Variants in LRBA observed in about 807,000 individuals in gnomAD.
LRBA encodes lipopolysaccharide-responsive and beige-like anchor protein.
A neutral mutation model predicts 330.0 loss-of-function variants in LRBA; 176 were observed. The observed-to-expected ratio is 0.53, with a 90% CI of 0.47 to 0.60. The LOEUF (loss-of-function observed/expected upper bound fraction) is 0.60. Among genes scored for constraint, LRBA ranks in the 20% least tolerant of loss-of-function variants. The pLI, the probability that LRBA is intolerant of heterozygous loss-of-function variation, is 0.00. For synonymous variants in LRBA, 1,230 were observed against 1,193.0 expected, an observed-to-expected ratio of 1.03 and a Z score of -0.64; for missense variants, 3,259 against 3,444.8, an observed-to-expected ratio of 0.95 and a Z score of 1.35.
chr4:150,632,707 A>G (rs1018377883), intron 37 of LRBA, among the ~76,000 whole-genome samples: 3 of 152,088 alleles, frequency 2.0e-5, no homozygotes, highest in Non-Finnish European at 4.4e-5. Flanking sequence ...CCCACCAACC[A>G]TGTTTCACCC....
chr4:150,341,561 C>T (rs2127013675), intron 48 of LRBA, among the ~76,000 whole-genome samples: 1 of 152,218 alleles, frequency 6.6e-6, no homozygotes, highest in East Asian at 1.9e-4. Flanking sequence ...ATACTCTCCG[C>T]TTTGAATGTC....
At chr4:150,456,329 C>T (rs541173549) in intron 44 of LRBA, among the ~76,000 whole-genome samples, 22 of 152,258 alleles carry the variant, frequency 1.4e-4, no homozygotes, top group African/African-American at 4.3e-4. Flanking sequence ...TGCTCACCAG[C>T]ATTTGGTATT....
intron 47 of LRBA, among the ~76,000 whole-genome samples, chr4:150,398,909 TG>T: frequency 6.6e-6 from 1 of 152,190 alleles, no homozygotes; most frequent in African/African-American, 2.4e-5. Context: ...TTTACAGGTG[TG>T]AGCCACCATG....
chr4:150,673,191 A>T (rs1782222172), intron 37 of LRBA, among the ~76,000 whole-genome samples: 1 of 152,238 alleles, frequency 6.6e-6, no homozygotes, highest in Non-Finnish European at 1.5e-5. Flanking sequence ...ATATCACTGT[A>T]TCAGATATTT....
intron 37 of LRBA, among the ~76,000 whole-genome samples, chr4:150,622,738 A>G (rs1360755457): frequency 7.6e-6 from 1 of 132,328 alleles, no homozygotes; most frequent in African/African-American, 3.3e-5. Context: ...TTGCTCTTTC[A>G]CCAGGCCGGA....
intron 47 of LRBA, among the ~76,000 whole-genome samples, chr4:150,410,094 A>T (rs531050055): frequency 2.1e-4 from 31 of 150,094 alleles, no homozygotes; most frequent in East Asian, 5.8e-4. Flanking sequence ...AATTCCAAAA[A>T]TTTTTTTTTT....
At chr4:150,373,123 TCGTGTG>T (rs1740654146) in intron 47 of LRBA, among the ~76,000 whole-genome samples, 1 of 91,544 alleles carries the variant, frequency 1.1e-5, no homozygotes, top group Non-Finnish European at 2.2e-5. Context: ...GACTACAATC[TCGTGTG>T]TGTGTGTGTG....
intron 38 of LRBA, among the ~76,000 whole-genome samples, chr4:150,594,068 C>T (rs2126481324): frequency 6.6e-6 from 1 of 152,156 alleles, no homozygotes; most frequent in East Asian, 1.9e-4. Flanking sequence ...TACACACACC[C>T]ACTTTAATTT....
intron 37 of LRBA, among the ~76,000 whole-genome samples, chr4:150,609,301 C>T (rs1774991397): frequency 6.6e-6 from 1 of 152,164 alleles, no homozygotes; most frequent in African/African-American, 2.4e-5. Flanking sequence ...AAATGGAAAC[C>T]TTCTATTCAG....
intron 37 of LRBA, among the ~76,000 whole-genome samples, chr4:150,601,598 G>C (rs1774118420): frequency 6.6e-6 from 1 of 152,128 alleles, no homozygotes; most frequent in South Asian, 2.1e-4. Context: ...AGGGAACTGA[G>C]AATTTGTTCA....
chr4:150,782,645 C>A (rs1738430406), intron 34 of LRBA, among the ~76,000 whole-genome samples: 2 of 152,120 alleles, frequency 1.3e-5, no homozygotes, highest in South Asian at 2.1e-4. Context: ...TTAGGGTGTA[C>A]CCACATAATC....
intron 37 of LRBA, among the ~76,000 whole-genome samples, chr4:150,629,331 A>G (rs1005365182): frequency 6.6e-6 from 1 of 152,238 alleles, no homozygotes; most frequent in Admixed American, 6.5e-5. Flanking sequence ...ACCAATTATA[A>G]AATAGCTCCT....
At chr4:150,791,965 G>T (rs1739991688) in intron 34 of LRBA, among the ~76,000 whole-genome samples, 1 of 133,238 alleles carries the variant, frequency 7.5e-6, no homozygotes, top group Non-Finnish European at 1.5e-5. Flanking sequence ...GGAGATGGAG[G>T]TTGCAGTGAG....
intron 14 of LRBA, 71 bp from the exon 15 acceptor site, chr4:150,897,889 C>A: frequency 2.0e-6 from 2 of 989,048 alleles, no homozygotes; most frequent in South Asian, 2.8e-5. Context: ...ATAAAATTCT[C>A]ATTCCCAACA....
At chr4:150,876,618 T>C (rs1471083033) in intron 17 of LRBA, among the ~76,000 whole-genome samples, 1 of 152,052 alleles carries the variant, frequency 6.6e-6, no homozygotes, top group East Asian at 1.9e-4. Context: ...CAAACTAAGC[T>C]TAATAAGCAA....
At chr4:150,777,081 G>GTTGTTGTTGT (rs151056568) in intron 34 of LRBA, among the ~76,000 whole-genome samples, 3,489 of 151,306 alleles carry the variant, frequency 0.023, 121 homozygotes, top group African/African-American at 0.08. Flanking sequence ...TGTTGTTGTT[G>GTTGTTGTTGT]TTGTTGTTGT....
chr4:150,868,839 G>A (rs1255975945), intron 20 of LRBA, among the ~76,000 whole-genome samples: 2 of 152,132 alleles, frequency 1.3e-5, no homozygotes, highest in African/African-American at 4.8e-5. Context: ...TCAGGAGGGT[G>A]AGACAGGTGA....
intron 37 of LRBA, among the ~76,000 whole-genome samples, chr4:150,654,244 T>C (rs897449181): frequency 2.6e-5 from 4 of 152,216 alleles, no homozygotes; most frequent in African/African-American, 9.6e-5. Flanking sequence ...TGGAGTGCAG[T>C]GGTGCAATCT....
At chr4:150,606,495 A>G (rs1430863293) in intron 37 of LRBA, among the ~76,000 whole-genome samples, 1 of 152,132 alleles carries the variant, frequency 6.6e-6, no homozygotes, top group Admixed American at 6.6e-5. Flanking sequence ...CTCAACCTAC[A>G]CAGGACAATG....
Sources: allele counts gnomAD v4.1 joint callset (sites outside exome capture counted in the v4.1 genomes callset), GRCh38; gene constraint gnomAD v4.1.1; transcripts MANE v1.5; gene names NCBI Gene and HGNC (gene_info 2026-07-23, HGNC 2026-07-21).